CXADR: variants seen among roughly 807,000 people sequenced by gnomAD.
CXADR encodes the protein coxsackievirus and adenovirus receptor.
CXADR carries 20 observed loss-of-function variants against 40.3 expected under a neutral mutation model. That is an observed-to-expected ratio of 0.50 (90% CI 0.35 to 0.72). The LOEUF is 0.72. Ranked by LOEUF, CXADR falls within the 30% of genes least tolerant of loss-of-function variation. The probability of loss-of-function intolerance (pLI) is 0.01; values close to 1 mark genes in which losing one functional copy is unlikely to be tolerated. For synonymous variants in CXADR, 150 were observed against 161.3 expected (o/e 0.93, Z 0.53); for missense variants, 332 against 449.1 (o/e 0.74, Z 2.36).
intron 1 of CXADR, among the ~76,000 whole-genome samples, chr21:17,526,902 C>T (rs945534977): frequency 4.6e-5 from 7 of 152,058 alleles, no homozygotes; most frequent in Non-Finnish European, 1.0e-4. Flanking sequence ...GGAAGAGAAG[C>T]GAGCTGCAAG....
the CXADR span, chr21:17,609,156 C>G: frequency 6.2e-7 from 1 of 1,604,030 alleles, no homozygotes. Context: ...TTTTTCCCTG[C>G]AAAGATAAAA....
intron 1 of CXADR, among the ~76,000 whole-genome samples, chr21:17,534,168 C>T (rs561243370): frequency 3.9e-5 from 5 of 127,260 alleles, no homozygotes; most frequent in East Asian, 4.8e-4. Flanking sequence ...AGTGCAGTGG[C>T]GCGATCTTGG....
At chr21:17,515,567 T>G (rs915008717) in intron 1 of CXADR, among the ~76,000 whole-genome samples, 2 of 152,182 alleles carry the variant, frequency 1.3e-5, no homozygotes, top group African/African-American at 4.8e-5. Context: ...ATCCCAGCAC[T>G]TTGGGAGGCC....
chr21:17,530,481 G>T (rs1349002968), intron 1 of CXADR: 1 of 448,150 alleles, frequency 2.2e-6, no homozygotes, highest in Non-Finnish European at 4.5e-6. Flanking sequence ...TTATTCTACT[G>T]ATGGACCCTT....
At chr21:17,580,079 C>T (rs1369711129) in intron 7 of CXADR, among the ~76,000 whole-genome samples, 2 of 152,156 alleles carry the variant, frequency 1.3e-5, no homozygotes, top group Admixed American at 1.3e-4. Flanking sequence ...GCCTTTGCCT[C>T]CCAAAGTGCT....
At chr21:17,559,985 A>C (rs1354486895) in intron 4 of CXADR, among the ~76,000 whole-genome samples, 1 of 148,996 alleles carries the variant, frequency 6.7e-6, no homozygotes, top group African/African-American at 2.5e-5. Context: ...TTTTTTTTTA[A>C]TTGATGAGAC....
At chr21:17,570,237 C>G, downstream of CXADR, 1 of 941,462 alleles carries the variant, frequency 1.1e-6, no homozygotes, top group South Asian at 4.9e-5. Flanking sequence ...ATAAAGATTG[C>G]GACAATCATA....
intron 2 of CXADR, among the ~76,000 whole-genome samples, chr21:17,547,689 C>G (rs2060916120): frequency 6.6e-6 from 1 of 152,172 alleles, no homozygotes; most frequent in Non-Finnish European, 1.5e-5. Context: ...GTATTACAGT[C>G]TATTTTCCTT....
At chr21:17,594,365 A>G (rs548853527), downstream of CXADR, 1 of 1,586,424 alleles carries the variant, frequency 6.3e-7, no homozygotes, top group African/African-American at 1.4e-5. Context: ...AGTTAATTCA[A>G]AGGAAAAAAT....
At chr21:17,550,878 C>A (rs945393205) in intron 2 of CXADR, among the ~76,000 whole-genome samples, 1 of 152,176 alleles carries the variant, frequency 6.6e-6, no homozygotes, top group Non-Finnish European at 1.5e-5. Flanking sequence ...GACTTGTTAA[C>A]CTGGGTACAC....
In CXADR at chr21:17,589,749, G is replaced by A. The variant is rs1465137748; in HGVS notation, c.1018-3403G>A. On this transcript the variant is annotated intron_variant, in intron 7 of 7. Coordinates refer to the CXADR transcript ENST00000400169. ...TTTGCAGTGAACACTTATTACGTAG[G>A]TAATGGTCCTCGTTTGAGTACTTCT... Among the ~76,000 whole-genome samples the A allele has an allele frequency of 3.3e-5, 5 of 152,014 alleles. No homozygotes were observed. In the East Asian group the frequency reaches 7.8e-4, roughly 24 times the overall value.
chr21:17,607,735 A>G, the CXADR span, among the ~76,000 whole-genome samples: 2 of 152,226 alleles, frequency 1.3e-5, no homozygotes, highest in African/African-American at 4.8e-5. Flanking sequence ...ATACACAAAT[A>G]AAAGAGTATT....
chr21:17,555,741 TC>T (rs747778906), intron 3 of CXADR, among the ~76,000 whole-genome samples: 2 of 152,188 alleles, frequency 1.3e-5, no homozygotes, highest in East Asian at 1.9e-4. Flanking sequence ...TTATTATTTT[TC>T]CCTCTATAAT....
intron 1 of CXADR, among the ~76,000 whole-genome samples, chr21:17,536,774 TGAGACAG>T (rs2060764049): frequency 6.6e-6 from 1 of 152,160 alleles, no homozygotes; most frequent in Non-Finnish European, 1.5e-5. Context: ...TTTTTCTTTT[TGAGACAG>T]TGTCTCACTC....
intron 7 of CXADR, among the ~76,000 whole-genome samples, chr21:17,580,433 A>G (rs2061352115): frequency 6.6e-6 from 1 of 152,142 alleles, no homozygotes; most frequent in Admixed American, 6.5e-5. Flanking sequence ...AGCCTGGCCA[A>G]CATGGCGAAA....
At chr21:17,619,249 AT>A in the CXADR span, among the ~76,000 whole-genome samples, 1 of 152,152 alleles carries the variant, frequency 6.6e-6, no homozygotes, top group African/African-American at 2.4e-5. Context: ...GCTGGGCGCA[AT>A]GCCTCAAGCC....
chr21:17,519,696 G>A lies in CXADR; in HGVS notation c.43+6524G>A, dbSNP rs547145747. On this transcript the variant is annotated intron_variant, in intron 1 of 6. Transcript: ENST00000284878. ...GTCAATCTTGACCTTAAACCTGGGT[G>A]ACCTCTTGTATCCATCATGGTAATC... Among the ~76,000 whole-genome samples the A allele has an allele frequency of 5.3e-5, 8 of 152,226 alleles. No homozygotes were observed. The East Asian group carries it at 1.5e-3, about 29-fold the overall frequency.
Position 17,569,554 on chromosome 21 carries a change from C to G in CXADR, c.*3862C>G. ...ATAGACCACAACTGAGCACAAATTC[C>G]TTTTATAAATGTTATAGAAGCAGGG... On this transcript the variant is annotated 3_prime_UTR_variant, in exon 7 of 7. Transcript: ENST00000284878. The G allele has an allele frequency of 1.0e-6, 1 of 985,184 alleles. No individual in the cohort carries two copies. The highest frequency in any genetic ancestry group is 1.2e-6 in the Non-Finnish European group (1 of 829,862). The allele number at this position is 985,184 out of a possible 1,614,324, so 61.0% of individuals were successfully genotyped here. A position where few individuals can be genotyped will look rare whatever the true frequency, so the allele number is the denominator to read the frequency against.
At chr21:17,579,310 A>G (rs1335881940) in intron 7 of CXADR, among the ~76,000 whole-genome samples, 2 of 147,778 alleles carry the variant, frequency 1.4e-5, no homozygotes, top group African/African-American at 5.0e-5. Flanking sequence ...TTTGAGATGG[A>G]GTCTCACCCT....
Sources: gnomAD v4.1 joint callset for allele counts (sites outside exome capture counted in the v4.1 genomes callset) on GRCh38, gnomAD v4.1.1 for gene constraint, MANE v1.5 for transcripts, NCBI Gene and HGNC (gene_info 2026-07-23, HGNC 2026-07-21) for gene names.